The following SPON1 variants were observed in gnomAD, a reference collection of about 807,000 sequenced individuals.
SPON1 encodes the protein spondin 1, also known as spondin-1.
Under a neutral mutation model 111.7 loss-of-function variants are expected in SPON1, and 52 were observed. The observed-to-expected ratio is 0.47, with a 90% CI of 0.37 to 0.59. The LOEUF (loss-of-function observed/expected upper bound fraction) is 0.59, where lower values mean the gene tolerates loss of function less well. SPON1 is among the 20% of genes least tolerant of loss of function. The pLI, the probability that SPON1 is intolerant of heterozygous loss-of-function variation, is 0.00. For synonymous variants in SPON1, 410 were observed against 395.8 expected, an observed-to-expected ratio of 1.04 and a Z score of -0.43; for missense variants, 957 against 1,068.5, an observed-to-expected ratio of 0.90 and a Z score of 1.46.
intron 6 of SPON1, among the ~76,000 whole-genome samples, chr11:14,234,209 A>C (rs1337443502): frequency 6.6e-6 from 1 of 152,162 alleles, no homozygotes; most frequent in Non-Finnish European, 1.5e-5. Flanking sequence ...TTTCTGTTTG[A>C]AGGCAGACAG....
chr11:14,109,798 GA>G (rs11349145), intron 5 of SPON1, among the ~76,000 whole-genome samples: 46,014 of 151,898 alleles, frequency 0.3, 7,189 homozygotes, highest in East Asian at 0.51. Context: ...ACCTGGAAGG[GA>G]TTTAGAAGGG....
intron 6 of SPON1, 67 bp from the exon 7 acceptor site, chr11:14,243,265 G>C: frequency 7.5e-6 from 11 of 1,460,630 alleles, no homozygotes; most frequent in Non-Finnish European, 1.0e-5. Flanking sequence ...GGTGTCACCA[G>C]GTCAAAGCCC....
intron 14 of SPON1, chr11:14,262,429 A>C: frequency 2.1e-6 from 1 of 484,144 alleles, no homozygotes; most frequent in Non-Finnish European, 3.8e-6. Flanking sequence ...GAGCAGGGCA[A>C]GAGGCTCTGA....
At chr11:14,071,946 A>C (rs550779714) in intron 3 of SPON1, among the ~76,000 whole-genome samples, 2 of 152,118 alleles carry the variant, frequency 1.3e-5, no homozygotes, top group African/African-American at 4.8e-5. Flanking sequence ...TGATCCATCT[A>C]TCTCAGCCTC....
chr11:14,227,796 C>T (rs552308722), intron 6 of SPON1, among the ~76,000 whole-genome samples: 16 of 152,338 alleles, frequency 1.1e-4, no homozygotes, highest in African/African-American at 3.6e-4. Flanking sequence ...AGTTAAGCCA[C>T]AGACCCTCCA....
At chr11:14,155,078 C>T (rs922329400) in intron 6 of SPON1, among the ~76,000 whole-genome samples, 1 of 152,154 alleles carries the variant, frequency 6.6e-6, no homozygotes. Context: ...CTTCACTGTC[C>T]ATATCACTTC....
chr11:14,085,141 T>C (rs955491249), intron 5 of SPON1, among the ~76,000 whole-genome samples: 3 of 152,232 alleles, frequency 2.0e-5, no homozygotes, highest in Non-Finnish European at 4.4e-5. Flanking sequence ...TGAAGCTCTT[T>C]AGTTTAGTAA....
intron 6 of SPON1, among the ~76,000 whole-genome samples, chr11:14,152,835 G>A (rs1197347534): frequency 6.6e-6 from 1 of 152,188 alleles, no homozygotes; most frequent in African/African-American, 2.4e-5. Flanking sequence ...TGCAAGCATG[G>A]TTGGATCTTT....
At chr11:13,973,790 C>T (rs1213699166) in intron 1 of SPON1, among the ~76,000 whole-genome samples, 2 of 152,164 alleles carry the variant, frequency 1.3e-5, no homozygotes, top group Non-Finnish European at 2.9e-5. Flanking sequence ...GACATGTAGA[C>T]AAGGAGAGCT....
chr11:14,163,707 C>G (rs184896880), intron 6 of SPON1, among the ~76,000 whole-genome samples: 1 of 152,142 alleles, frequency 6.6e-6, no homozygotes, highest in East Asian at 1.9e-4. Flanking sequence ...ACAAAGGCTT[C>G]AGAAACTTAC....
intron 6 of SPON1, among the ~76,000 whole-genome samples, chr11:14,162,350 A>G (rs1356615534): frequency 1.3e-5 from 2 of 152,182 alleles, no homozygotes; most frequent in African/African-American, 4.8e-5. Flanking sequence ...GATTACTATA[A>G]CCTAAAGAAG....
At chr11:14,251,058 A>G (rs1554940627) in intron 7 of SPON1, among the ~76,000 whole-genome samples, 1 of 152,202 alleles carries the variant, frequency 6.6e-6, no homozygotes, top group Non-Finnish European at 1.5e-5. Context: ...AAAAATTCCA[A>G]AGCAAGAGTG....
chr11:14,027,164 CA>C (rs1848524960), intron 2 of SPON1, among the ~76,000 whole-genome samples: 2 of 152,118 alleles, frequency 1.3e-5, no homozygotes, highest in South Asian at 4.1e-4. Flanking sequence ...GGAATGGGGT[CA>C]GGGGTGGGGA....
chr11:14,103,600 C>T (rs1450358486), intron 5 of SPON1, among the ~76,000 whole-genome samples: 1 of 152,206 alleles, frequency 6.6e-6, no homozygotes, highest in Non-Finnish European at 1.5e-5. Context: ...AGCCTTTGAT[C>T]TCCTCTTTAT....
chr11:14,016,102 G>T (rs1440730549), intron 2 of SPON1, among the ~76,000 whole-genome samples: 2 of 152,220 alleles, frequency 1.3e-5, no homozygotes, highest in African/African-American at 4.8e-5. Context: ...AGGGGAAGAA[G>T]CTCTGATGGC....
chr11:14,100,526 T>C (rs1307702001), intron 5 of SPON1, among the ~76,000 whole-genome samples: 2 of 152,218 alleles, frequency 1.3e-5, no homozygotes, highest in East Asian at 3.8e-4. Flanking sequence ...TGTTTATCTC[T>C]GTTGAATTCA....
intron 2 of SPON1, among the ~76,000 whole-genome samples, chr11:14,025,192 C>A (rs972230840): frequency 8.5e-5 from 13 of 152,220 alleles, no homozygotes; most frequent in African/African-American, 3.1e-4. Context: ...AAGGCTCCTG[C>A]CCCCATGGAG....
At chr11:14,101,793 C>CTT (rs1365218418) in intron 5 of SPON1, among the ~76,000 whole-genome samples, 31 of 152,314 alleles carry the variant, frequency 2.0e-4, no homozygotes, top group African/African-American at 7.2e-4. Context: ...AACCATCCTG[C>CTT]TTTTACCCCA....
chr11:14,018,010 A>T (rs1848455550), intron 2 of SPON1, among the ~76,000 whole-genome samples: 1 of 152,174 alleles, frequency 6.6e-6, no homozygotes, highest in South Asian at 2.1e-4. Flanking sequence ...TTGCCTGATT[A>T]ATTAACTTAT....
Sources: gnomAD v4.1 joint callset for allele counts (sites outside exome capture counted in the v4.1 genomes callset) on GRCh38, gnomAD v4.1.1 for gene constraint, MANE v1.5 for transcripts, NCBI Gene and HGNC (gene_info 2026-07-23, HGNC 2026-07-21) for gene names.